Variants in AUTS2 observed in about 807,000 individuals in gnomAD.
The protein encoded by AUTS2 is autism susceptibility gene 2 protein.
Under a neutral mutation model 112.4 loss-of-function variants are expected in AUTS2, and 17 were observed. The ratio of observed to expected loss-of-function variants is 0.15; its 90% CI spans 0.10 to 0.23. The LOEUF (loss-of-function observed/expected upper bound fraction) is 0.23, where lower values mean the gene tolerates loss of function less well. Among genes scored for constraint, AUTS2 ranks in the 10% least tolerant of loss-of-function variants. The pLI is 1.00. For synonymous variants in AUTS2, 751 were observed against 702.7 expected, an observed-to-expected ratio of 1.07 and a Z score of -1.09; for missense variants, 1,510 against 1,701.6, an observed-to-expected ratio of 0.89 and a Z score of 1.98.
chr7:69,753,789 A>G (rs183160080), intron 1 of AUTS2, among the ~76,000 whole-genome samples: 1 of 152,236 alleles, frequency 6.6e-6, no homozygotes, highest in Non-Finnish European at 1.5e-5. Flanking sequence ...GGAGGAGCTT[A>G]TATTAAGAAT....
intron 2 of AUTS2, among the ~76,000 whole-genome samples, chr7:69,969,466 T>C (rs1797759827): frequency 6.6e-6 from 1 of 152,216 alleles, no homozygotes; most frequent in African/African-American, 2.4e-5. Context: ...AGAAATCTCA[T>C]TCTTGTTCTT....
At chr7:70,414,726 G>A (rs1314000467) in intron 4 of AUTS2, among the ~76,000 whole-genome samples, 1 of 152,186 alleles carries the variant, frequency 6.6e-6, no homozygotes, top group African/African-American at 2.4e-5. Context: ...AGTTACTGAG[G>A]TCCCATCGCC....
intron 1 of AUTS2, among the ~76,000 whole-genome samples, chr7:69,684,065 A>G (rs1796944349): frequency 6.6e-6 from 1 of 152,242 alleles, no homozygotes; most frequent in Non-Finnish European, 1.5e-5. Flanking sequence ...TCTAAGACTC[A>G]GCCATCTTGA....
chr7:70,243,454 G>A (rs1286524984), intron 4 of AUTS2, among the ~76,000 whole-genome samples: 1 of 152,012 alleles, frequency 6.6e-6, no homozygotes, highest in Non-Finnish European at 1.5e-5. Context: ...CAGGATTTCT[G>A]AGTTTCTTCA....
chr7:69,858,960 G>A (rs892506980), intron 1 of AUTS2, among the ~76,000 whole-genome samples: 4 of 152,154 alleles, frequency 2.6e-5, no homozygotes, highest in Non-Finnish European at 4.4e-5. Flanking sequence ...CCTGGAAACC[G>A]CTGCAATTGT....
intron 5 of AUTS2, among the ~76,000 whole-genome samples, chr7:70,504,458 T>A (rs1174611921): frequency 6.6e-6 from 1 of 150,902 alleles, no homozygotes; most frequent in Non-Finnish European, 1.5e-5. Flanking sequence ...TAATGAGGCA[T>A]GAGGAGTCGA....
intron 4 of AUTS2, among the ~76,000 whole-genome samples, chr7:70,411,920 CTTTTTTTT>C (rs545022866): frequency 9.2e-5 from 12 of 130,892 alleles, no homozygotes; most frequent in African/African-American, 3.4e-4. Flanking sequence ...TTCCTTTTTT[CTTTTTTTT>C]TTTTTTTTGA....
At chr7:70,043,077 A>G (rs1240512537) in intron 2 of AUTS2, among the ~76,000 whole-genome samples, 1 of 152,100 alleles carries the variant, frequency 6.6e-6, no homozygotes, top group Non-Finnish European at 1.5e-5. Flanking sequence ...GTTGAACTAT[A>G]GATTTATCAA....
chr7:70,366,596 A>G (rs1270298094), intron 4 of AUTS2, among the ~76,000 whole-genome samples: 1 of 152,234 alleles, frequency 6.6e-6, no homozygotes, highest in Non-Finnish European at 1.5e-5. Flanking sequence ...TCAGATTTGG[A>G]TATCAGTGAG....
intron 1 of AUTS2, among the ~76,000 whole-genome samples, chr7:69,688,620 T>G (rs1797165129): frequency 6.6e-6 from 1 of 152,180 alleles, no homozygotes; most frequent in Non-Finnish European, 1.5e-5. Flanking sequence ...TATCATTTCT[T>G]TTTGTTGGGT....
chr7:69,956,551 G>C (rs1288683243), intron 2 of AUTS2, among the ~76,000 whole-genome samples: 1 of 152,034 alleles, frequency 6.6e-6, no homozygotes, highest in Non-Finnish European at 1.5e-5. Flanking sequence ...AACCCCTTAC[G>C]AGATTTTTAG....
At chr7:70,248,511 A>G (rs987344912) in intron 4 of AUTS2, among the ~76,000 whole-genome samples, 1 of 152,130 alleles carries the variant, frequency 6.6e-6, no homozygotes, top group Admixed American at 6.5e-5. Flanking sequence ...ACAGGGATGA[A>G]GATGTTTTAA....
At chr7:69,909,874 G>T (rs1164445701) in intron 2 of AUTS2, among the ~76,000 whole-genome samples, 3 of 152,106 alleles carry the variant, frequency 2.0e-5, no homozygotes, top group Non-Finnish European at 4.4e-5. Flanking sequence ...CTACCGAATA[G>T]TTGCTAATGA....
intron 4 of AUTS2, among the ~76,000 whole-genome samples, chr7:70,204,464 GAGAC>G (rs1317543017): frequency 1.3e-5 from 2 of 152,074 alleles, no homozygotes; most frequent in African/African-American, 4.8e-5. Context: ...TTGATTGAAA[GAGAC>G]AGAGAAAATA....
intron 5 of AUTS2, among the ~76,000 whole-genome samples, chr7:70,496,276 T>C: frequency 8.3e-6 from 1 of 120,476 alleles, no homozygotes; most frequent in Non-Finnish European, 1.7e-5. Context: ...ACACGTCACA[T>C]CAGCGTCGAT....
At chr7:69,960,263 A>G (rs1797377364) in intron 2 of AUTS2, among the ~76,000 whole-genome samples, 1 of 152,188 alleles carries the variant, frequency 6.6e-6, no homozygotes, top group Non-Finnish European at 1.5e-5. Flanking sequence ...GATGATACAT[A>G]TGTTTGTGAC....
chr7:70,062,972 G>T (rs1280360790), intron 2 of AUTS2, among the ~76,000 whole-genome samples: 1 of 152,170 alleles, frequency 6.6e-6, no homozygotes, highest in Non-Finnish European at 1.5e-5. Flanking sequence ...ATTACTTCCA[G>T]TGTGAAGGCC....
intron 2 of AUTS2, among the ~76,000 whole-genome samples, chr7:70,001,104 A>G (rs1382365688): frequency 6.6e-6 from 1 of 152,166 alleles, no homozygotes; most frequent in Non-Finnish European, 1.5e-5. Context: ...AAAAAAAAGC[A>G]GAGGCTCTTA....
chr7:70,115,267 G>T (rs10262102), intron 2 of AUTS2, among the ~76,000 whole-genome samples: 17 of 152,160 alleles, frequency 1.1e-4, no homozygotes, highest in Non-Finnish European at 1.6e-4. Context: ...ATTAGGAAAA[G>T]CCTTGACACT....
Sources: allele counts gnomAD v4.1 joint callset (sites outside exome capture counted in the v4.1 genomes callset), GRCh38; gene constraint gnomAD v4.1.1; transcripts MANE v1.5; gene names NCBI Gene and HGNC (gene_info 2026-07-23, HGNC 2026-07-21).